The following LIPI variants were observed in gnomAD, a reference collection of about 807,000 sequenced individuals.
LIPI encodes the protein lipase I, also known as lipase member I.
LIPI carries 59 observed loss-of-function variants against 50.6 expected under a neutral mutation model. That is an observed-to-expected ratio of 1.16 (90% confidence interval 0.94 to 1.45). LIPI has a LOEUF of 1.45. LIPI is among the 40% of genes most tolerant of loss of function. LIPI has a pLI of 0.00. For synonymous variants in LIPI, 203 were observed against 178.2 expected, an observed-to-expected ratio of 1.14 and a Z score of -1.11; for missense variants, 586 against 536.3, an observed-to-expected ratio of 1.09 and a Z score of -0.92.
At chr21:14,119,535 G>A (rs76983627) in intron 9 of LIPI, among the ~76,000 whole-genome samples, 2,285 of 152,260 alleles carry the variant, frequency 0.015, 33 homozygotes, top group Non-Finnish European at 0.024. Context: ...CCCGTATATG[G>A]ATCCCCAACT....
chr21:14,184,437 T>C (rs79746837), intron 3 of LIPI, among the ~76,000 whole-genome samples: 26,575 of 152,030 alleles, frequency 0.17, 2,761 homozygotes, highest in South Asian at 0.27. Flanking sequence ...GTAACAAACC[T>C]GCACGTTGTG....
At chr21:14,196,906 T>G (rs973601321) in intron 1 of LIPI, among the ~76,000 whole-genome samples, 10 of 152,116 alleles carry the variant, frequency 6.6e-5, no homozygotes, top group African/African-American at 2.4e-4. Flanking sequence ...TCAATAAAAT[T>G]AGTTTTAAAA....
At chr21:14,169,928 G>A (rs1362776147) in intron 4 of LIPI, among the ~76,000 whole-genome samples, 1 of 152,042 alleles carries the variant, frequency 6.6e-6, no homozygotes, top group Non-Finnish European at 1.5e-5. Context: ...TCCAGGAGCT[G>A]GTTTTTTGAA....
intron 9 of LIPI, among the ~76,000 whole-genome samples, chr21:14,117,376 T>C (rs1329392488): frequency 6.6e-6 from 1 of 152,196 alleles, no homozygotes; most frequent in Admixed American, 6.5e-5. Context: ...AGAAGAACGC[T>C]GCAGAGTAAT....
chr21:14,136,740 G>T (rs968523238), intron 9 of LIPI, among the ~76,000 whole-genome samples: 2 of 152,158 alleles, frequency 1.3e-5, no homozygotes, highest in African/African-American at 4.8e-5. Context: ...TTTCCAGGGA[G>T]GAGTTACAGT....
At chr21:14,113,291 G>A (rs527993252) in intron 9 of LIPI, among the ~76,000 whole-genome samples, 2 of 152,304 alleles carry the variant, frequency 1.3e-5, no homozygotes, top group East Asian at 3.9e-4. Flanking sequence ...ACAAATGTGA[G>A]ACTCAGCAGA....
chr21:14,165,312 A>G lies in LIPI; in HGVS notation c.812T>C (p.Ile271Thr), dbSNP rs765151672. ...TTTGTATGAACGACAAGGAAATGAA[A>G]TAAAATTGCAGTTTGTTTCTAAAGA... ...MASLETNCNFISFPCRSYKDY... is the reference protein window; with the variant it reads ...MASLETNCNFTSFPCRSYKDY... Residue 271 changes from isoleucine (I) to threonine (T), a missense_variant, in exon 6 of 10, where the codon ATT becomes ACT. Ile to Thr is a moderately conservative substitution (Grantham distance 89). Transcript: ENST00000681601. 24 of 1,612,344 alleles carry G rather than the reference A, an allele frequency of 1.5e-5. No individual in the cohort carries two copies. In the South Asian group the frequency reaches 2.4e-4, roughly 16 times the overall value.
intron 3 of LIPI, among the ~76,000 whole-genome samples, chr21:14,183,295 C>T (rs554940171): frequency 4.9e-4 from 74 of 152,180 alleles, no homozygotes; most frequent in African/African-American, 1.7e-3. Flanking sequence ...AAACTGGATC[C>T]CTTCCTTACA....
At chr21:14,117,642 G>A (rs895699428) in intron 9 of LIPI, among the ~76,000 whole-genome samples, 1 of 152,150 alleles carries the variant, frequency 6.6e-6, no homozygotes, top group Non-Finnish European at 1.5e-5. Flanking sequence ...AGTTCTAAGA[G>A]AGGCCTTGTG....
At chr21:14,146,793 T>TC (rs1304388778) in intron 8 of LIPI, among the ~76,000 whole-genome samples, 24 of 131,038 alleles carry the variant, frequency 1.8e-4, no homozygotes, top group African/African-American at 6.9e-4. Context: ...TTTTTTTTTT[T>TC]TTTTTGAGAT....
intron 8 of LIPI, among the ~76,000 whole-genome samples, chr21:14,150,236 C>G (rs567883330): frequency 3.9e-5 from 6 of 152,292 alleles, no homozygotes; most frequent in East Asian, 1.9e-4. Context: ...TTATCTCAAC[C>G]TGGTCCAATC....
chr21:14,176,135 G>T (rs1183238642), intron 4 of LIPI, among the ~76,000 whole-genome samples: 13 of 146,410 alleles, frequency 8.9e-5, no homozygotes, highest in African/African-American at 3.3e-4. Context: ...CTGAGATCGC[G>T]CCACTGCACT....
At chr21:14,161,637 A>G (rs13048499) in intron 7 of LIPI, among the ~76,000 whole-genome samples, 1 of 111,070 alleles carries the variant, frequency 9.0e-6, no homozygotes, top group Non-Finnish European at 1.7e-5. Context: ...ATTAATATAT[A>G]ATATATACAT....
intron 9 of LIPI, among the ~76,000 whole-genome samples, chr21:14,121,021 C>T (rs2016842239): frequency 6.6e-6 from 1 of 152,218 alleles, no homozygotes; most frequent in South Asian, 2.1e-4. Context: ...CTTTACCAAA[C>T]TGCCTCAGGC....
chr21:14,181,078 A>G (rs1286829987), intron 4 of LIPI, among the ~76,000 whole-genome samples: 1 of 152,186 alleles, frequency 6.6e-6, no homozygotes, highest in Non-Finnish European at 1.5e-5. Flanking sequence ...GTTGTTATCT[A>G]TCTAACGGAA....
In LIPI at chr21:14,159,845, T is replaced by C. The variant is rs1244298529; in HGVS notation, c.1006+3574A>G. ...GCGATCTCATTACTATATACCAACA[T>C]TGAATGTGGAGATACCAAAATTTAG... is the stretch of plus-strand genomic sequence containing the variant. On this transcript the variant is annotated intron_variant, in intron 7 of 9. Coordinates refer to ENST00000681601, the MANE Select transcript of LIPI (RefSeq NM_001302998.2). Among the ~76,000 whole-genome samples the C allele has an allele frequency of 2.0e-5, 3 of 151,444 alleles. 1 individual carries two copies. Among genetic ancestry groups the C allele is most frequent in the South Asian group, 4.1e-4 (2 of 4,824 alleles).
chr21:14,179,760 C>T (rs2019208860), intron 4 of LIPI, among the ~76,000 whole-genome samples: 1 of 152,162 alleles, frequency 6.6e-6, no homozygotes, highest in African/African-American at 2.4e-5. Flanking sequence ...ATATATGTCA[C>T]CTCAGGACCA....
At chr21:14,147,679 C>G (rs1326752691) in intron 8 of LIPI, among the ~76,000 whole-genome samples, 1 of 152,164 alleles carries the variant, frequency 6.6e-6, no homozygotes, top group Non-Finnish European at 1.5e-5. Context: ...GGATTCTCTC[C>G]ATGTATCTTT....
intron 9 of LIPI, among the ~76,000 whole-genome samples, chr21:14,135,036 T>A (rs2017440213): frequency 6.6e-6 from 1 of 152,140 alleles, no homozygotes; most frequent in Admixed American, 6.5e-5. Flanking sequence ...ATGCAAACTA[T>A]GCACCTGACA....
Sources: allele counts gnomAD v4.1 joint callset (sites outside exome capture counted in the v4.1 genomes callset), GRCh38; gene constraint gnomAD v4.1.1; transcripts MANE v1.5; gene names NCBI Gene and HGNC (gene_info 2026-07-23, HGNC 2026-07-21).